The following PDZRN3 variants were observed in gnomAD, a reference collection of about 807,000 sequenced individuals.
The protein encoded by PDZRN3 is PDZ domain containing ring finger 3.
A neutral mutation model predicts 85.7 loss-of-function variants in PDZRN3; 38 were observed. That is an observed-to-expected ratio of 0.44 (90% CI 0.34 to 0.58). PDZRN3 has a LOEUF of 0.58. Among genes scored for constraint, PDZRN3 ranks in the 20% least tolerant of loss-of-function variants. The pLI, the probability that PDZRN3 is intolerant of heterozygous loss-of-function variation, is 0.01. For synonymous variants in PDZRN3, 759 were observed against 638.0 expected, an observed-to-expected ratio of 1.19 and a Z score of -2.86; for missense variants, 1,629 against 1,506.4, an observed-to-expected ratio of 1.08 and a Z score of -1.35.
At chr3:73,408,593 G>C (rs79818102) in intron 3 of PDZRN3, among the ~76,000 whole-genome samples, 12 of 142,812 alleles carry the variant, frequency 8.4e-5, no homozygotes, top group South Asian at 4.2e-4. Context: ...GGAGGAGGGG[G>C]GGGGGTGCAA....
chr3:73,608,554 G>T, intron 2 of PDZRN3, 44 bp downstream of exon 2: 1 of 1,346,362 alleles, frequency 7.4e-7, no homozygotes. Flanking sequence ...TCTCTTTCCA[G>T]CTACACCAGG....
intron 3 of PDZRN3, among the ~76,000 whole-genome samples, chr3:73,586,575 A>G (rs1251714627): frequency 1.3e-5 from 2 of 152,174 alleles, no homozygotes; most frequent in Non-Finnish European, 2.9e-5. Context: ...GCCTTCCTTG[A>G]TCTTTTCCTA....
chr3:73,402,057 C>T (rs954145066), intron 4 of PDZRN3: 4 of 152,262 alleles, frequency 2.6e-5, no homozygotes, highest in Admixed American at 6.5e-5. Flanking sequence ...TCTGGGCTTT[C>T]AAGCATCAAC....
At chr3:73,406,948 C>T (rs1005917166) in intron 3 of PDZRN3, among the ~76,000 whole-genome samples, 20 of 152,166 alleles carry the variant, frequency 1.3e-4, no homozygotes, top group African/African-American at 3.4e-4. Context: ...CTGGGCAGCA[C>T]GCACCCATCC....
At chr3:73,426,874 C>T (rs755335228) in intron 3 of PDZRN3, among the ~76,000 whole-genome samples, 10 of 152,020 alleles carry the variant, frequency 6.6e-5, no homozygotes, top group Non-Finnish European at 1.5e-4. Flanking sequence ...GAACTAATGA[C>T]TTAAAAGAAA....
At chr3:73,457,252 T>C (rs911114202) in intron 3 of PDZRN3, among the ~76,000 whole-genome samples, 7 of 151,994 alleles carry the variant, frequency 4.6e-5, no homozygotes, top group African/African-American at 1.7e-4. Flanking sequence ...TTTGTATTTT[T>C]AGTAGAGATG....
intron 3 of PDZRN3, among the ~76,000 whole-genome samples, chr3:73,442,867 C>G (rs1194813486): frequency 6.6e-6 from 1 of 152,176 alleles, no homozygotes; most frequent in African/African-American, 2.4e-5. Context: ...CCACTTTCAG[C>G]TGGAGTACAC....
chr3:73,431,470 A>T (rs1029489317), intron 3 of PDZRN3, among the ~76,000 whole-genome samples: 1 of 152,202 alleles, frequency 6.6e-6, no homozygotes, highest in African/African-American at 2.4e-5. Flanking sequence ...AGCCAGACGC[A>T]CCGGACCTTC....
chr3:73,562,751 A>G (rs1311120685), intron 3 of PDZRN3, among the ~76,000 whole-genome samples: 2 of 151,820 alleles, frequency 1.3e-5, no homozygotes, highest in Non-Finnish European at 2.9e-5. Context: ...AGGCTTTTGT[A>G]CTTCATTTGC....
intron 3 of PDZRN3, among the ~76,000 whole-genome samples, chr3:73,504,074 T>C (rs1437681398): frequency 1.3e-5 from 2 of 152,226 alleles, no homozygotes; most frequent in Non-Finnish European, 2.9e-5. Context: ...GCCTTCTTTA[T>C]AAACAGAAAT....
intron 3 of PDZRN3, among the ~76,000 whole-genome samples, chr3:73,421,741 A>G (rs1167396155): frequency 6.6e-6 from 1 of 152,088 alleles, no homozygotes; most frequent in South Asian, 2.1e-4. Context: ...TCCGCCTCCC[A>G]GGTTCAAGCG....
chr3:73,421,891 C>G (rs897692755), intron 3 of PDZRN3, among the ~76,000 whole-genome samples: 2 of 152,174 alleles, frequency 1.3e-5, no homozygotes, highest in Non-Finnish European at 2.9e-5. Flanking sequence ...TCGTGATCTC[C>G]CCGCCTCAGC....
chr3:73,442,432 A>C (rs1702656359), intron 3 of PDZRN3, among the ~76,000 whole-genome samples: 1 of 152,152 alleles, frequency 6.6e-6, no homozygotes, highest in Admixed American at 6.5e-5. Context: ...GAAAGGGGAG[A>C]GATTCAGAAC....
chr3:73,406,683 GTTC>G (rs763706682), intron 3 of PDZRN3, among the ~76,000 whole-genome samples: 1 of 152,124 alleles, frequency 6.6e-6, no homozygotes, highest in Non-Finnish European at 1.5e-5. Flanking sequence ...TGTCAAATTT[GTTC>G]TTCTTCTATT....
intron 5 of PDZRN3, among the ~76,000 whole-genome samples, chr3:73,396,291 C>G (rs1701635333): frequency 6.6e-6 from 1 of 152,148 alleles, no homozygotes; most frequent in South Asian, 2.1e-4. Flanking sequence ...GGAAGATCCT[C>G]TGGAGAGATG....
chr3:73,591,262 T>G (rs958996023), intron 3 of PDZRN3, among the ~76,000 whole-genome samples: 1 of 152,226 alleles, frequency 6.6e-6, no homozygotes, highest in African/African-American at 2.4e-5. Flanking sequence ...GAAATCTTAA[T>G]GTTTTTGGCA....
chr3:73,536,767 C>T (rs1704797887), intron 3 of PDZRN3, among the ~76,000 whole-genome samples: 1 of 151,740 alleles, frequency 6.6e-6, no homozygotes, highest in Non-Finnish European at 1.5e-5. Flanking sequence ...CATTCAAGAA[C>T]CAATGCATCA....
chr3:73,419,248 T>A (rs574790996), intron 3 of PDZRN3, among the ~76,000 whole-genome samples: 7 of 152,166 alleles, frequency 4.6e-5, no homozygotes. Context: ...TTCATGTACA[T>A]GACTTTGATT....
At chr3:73,541,611 C>T (rs771259992) in intron 3 of PDZRN3, among the ~76,000 whole-genome samples, 10 of 152,184 alleles carry the variant, frequency 6.6e-5, no homozygotes, top group Non-Finnish European at 4.4e-5. Context: ...TACTTCTTTC[C>T]AGTCATTTTT....
Sources: gnomAD v4.1 joint callset for allele counts (sites outside exome capture counted in the v4.1 genomes callset) on GRCh38, gnomAD v4.1.1 for gene constraint, MANE v1.5 for transcripts, NCBI Gene and HGNC (gene_info 2026-07-23, HGNC 2026-07-21) for gene names.